The following PCDH15 variants were observed in gnomAD, a reference collection of about 807,000 sequenced individuals.
The protein encoded by PCDH15 is protocadherin-15.
PCDH15 carries 129 observed loss-of-function variants against 178.5 expected under a neutral mutation model. The ratio of observed to expected loss-of-function variants is 0.72; its 90% confidence interval spans 0.63 to 0.84. The LOEUF (loss-of-function observed/expected upper bound fraction) is 0.84. PCDH15 is among the 40% of genes least tolerant of loss of function. The pLI is 0.00. For synonymous variants in PCDH15, 800 were observed against 732.0 expected (o/e 1.09, Z -1.50); for missense variants, 2,230 against 2,099.9 (o/e 1.06, Z -1.21).
intron 2 of PCDH15, among the ~76,000 whole-genome samples, chr10:55,464,642 ATATATATATATATG>A (rs59841153): frequency 0.67 from 95,198 of 142,764 alleles, 31,490 homozygotes; most frequent in East Asian, 0.88. Context: ...ATATATATAT[ATATATATATATATG>A]TGTGTGTGTG....
At chr10:54,174,702 CTT>C (rs1169302544) in intron 13 of PCDH15, among the ~76,000 whole-genome samples, 2,161 of 83,768 alleles carry the variant, frequency 0.026, 5 homozygotes, top group Middle Eastern at 0.048. Flanking sequence ...TTTTTCTTTT[CTT>C]TTTTTTTTTT....
At chr10:54,922,057 G>A (rs140946947) in intron 2 of PCDH15, among the ~76,000 whole-genome samples, 7 of 152,256 alleles carry the variant, frequency 4.6e-5, no homozygotes, top group East Asian at 3.9e-4. Context: ...AGCAGGCTCC[G>A]CCTCCAACAC....
chr10:54,733,881 C>T (rs1421690938), intron 1 of PCDH15, among the ~76,000 whole-genome samples: 1 of 150,982 alleles, frequency 6.6e-6, no homozygotes, highest in African/African-American at 2.4e-5. Context: ...AAAATTAGAC[C>T]TCCAAACGTA....
rs5785023 is a variant in PCDH15, at chr10:53,866,870, GAA to G, written c.3502-15_3502-14del. The stretch of plus-strand genomic sequence containing the variant: ...CTTTATCAGTAGCCTAGACGGAGGG[GAA>G]AAAAAAAGAGATTATAATTAAGCAG... On this transcript the variant is annotated splice_polypyrimidine_tract_variant and intron_variant, in intron 26 of 37. Transcript: ENST00000644397. 4 of 1,481,276 alleles carry G rather than the reference GAA, an allele frequency of 2.7e-6. No individual in the cohort carries two copies. The highest frequency in any genetic ancestry group is 1.9e-6 in the Non-Finnish European group (2 of 1,073,146). 91.8% of individuals were successfully genotyped at this position (1,481,276 alleles called of 1,614,324 possible). A position where few individuals can be genotyped will look rare whatever the true frequency, so the allele number is the denominator to read the frequency against.
intron 2 of PCDH15, among the ~76,000 whole-genome samples, chr10:54,550,488 C>CTGTGTCTG (rs147362519): frequency 2.0e-5 from 3 of 150,746 alleles, no homozygotes; most frequent in Non-Finnish European, 4.4e-5. Context: ...GTGTATGTGT[C>CTGTGTCTG]TGTGTGTGTG....
intron 2 of PCDH15, among the ~76,000 whole-genome samples, chr10:55,395,806 T>C (rs1333892004): frequency 2.6e-5 from 4 of 152,038 alleles, no homozygotes; most frequent in Admixed American, 6.6e-5. Flanking sequence ...TTTATTTACA[T>C]GTATAAACAA....
intron 2 of PCDH15, among the ~76,000 whole-genome samples, chr10:55,337,486 T>G (rs534662524): frequency 1.7e-4 from 26 of 152,218 alleles, no homozygotes; most frequent in Admixed American, 1.3e-3. Context: ...TTTATAATTG[T>G]AATGTGGGAA....
At chr10:55,618,293 T>A (rs922737536) in intron 2 of PCDH15, among the ~76,000 whole-genome samples, 11 of 152,092 alleles carry the variant, frequency 7.2e-5, no homozygotes, top group African/African-American at 2.7e-4. Context: ...TTTTTGATTA[T>A]CCTTTCATAG....
intron 8 of PCDH15, among the ~76,000 whole-genome samples, chr10:54,255,593 C>G (rs1384517554): frequency 1.3e-5 from 2 of 152,030 alleles, no homozygotes; most frequent in Admixed American, 6.6e-5. Context: ...TCCACAGACC[C>G]AAAAGTTAAC....
At position 54,421,908 on chromosome 10, in the gene PCDH15, T is replaced by TACAC. The variant is rs1303305100; in HGVS notation, c.158-42970_158-42967dup. Reference sequence around the variant, plus strand: ...TACACACACACACTATATATATATATACACTATATATATATATACACTATA... The same window carrying TACAC: ...TACACACACACACTATATATATATATACACACACTATATATATATATACACTATA... On this transcript the variant is annotated intron_variant, in intron 3 of 37. Transcript: ENST00000644397. 2.1e-4 allele frequency among the ~76,000 whole-genome samples: 19 copies of TACAC among 91,428 alleles called. 1 individual carries two copies. The highest frequency in any genetic ancestry group is 3.0e-4 in the Non-Finnish European group (15 of 49,762). The allele number at this position is 91,428 out of a possible 152,430, so 60.0% of individuals were successfully genotyped here.
Position 54,079,321 on chromosome 10 carries a change from G to A in PCDH15, c.2091+10C>T. 6.2e-7 allele frequency: 1 copy of A among 1,612,564 alleles called. No homozygotes were observed. The highest frequency in any genetic ancestry group is 8.5e-7 in the Non-Finnish European group (1 of 1,178,584). ...TATTTTTAAAACCCCTTCACAGGGA[G>A]CATACTCACCCCATCTGGCCTGCCA... is the stretch of plus-strand genomic sequence containing the variant. On this transcript the variant is annotated intron_variant, in intron 17 of 37. Coordinates refer to ENST00000644397, the MANE Select transcript of PCDH15 (RefSeq NM_001384140.1).
intron 2 of PCDH15, among the ~76,000 whole-genome samples, chr10:54,937,977 T>A (rs1670825): frequency 0.13 from 20,349 of 152,016 alleles, 1,553 homozygotes; most frequent in East Asian, 0.23. Context: ...ATTCTCTTAG[T>A]TTTCCATTGT....
chr10:53,912,017 C>T (rs1462317290), intron 25 of PCDH15, among the ~76,000 whole-genome samples: 11 of 152,178 alleles, frequency 7.2e-5, no homozygotes, highest in Non-Finnish European at 1.3e-4. Flanking sequence ...AGACCAATAT[C>T]CCTGATGAAC....
intron 18 of PCDH15, among the ~76,000 whole-genome samples, chr10:54,047,474 T>A (rs968476205): frequency 2.0e-5 from 3 of 151,896 alleles, no homozygotes; most frequent in African/African-American, 7.3e-5. Context: ...TATCATGTAA[T>A]GCTGATATCT....
chr10:55,127,996 C>T (rs1837945601), intron 2 of PCDH15, among the ~76,000 whole-genome samples: 1 of 152,014 alleles, frequency 6.6e-6, no homozygotes, highest in Non-Finnish European at 1.5e-5. Flanking sequence ...AAGTCTCTTT[C>T]TCCTCAGACT....
intron 37 of PCDH15, chr10:53,808,788 T>C (rs1443450086): frequency 1.9e-6 from 3 of 1,612,206 alleles, no homozygotes; most frequent in Admixed American, 1.7e-5. Flanking sequence ...GATAGCCCCA[T>C]GGACCTCCAG....
chr10:55,172,534 G>C lies in PCDH15; in HGVS notation c.-155-5883C>G, dbSNP rs566700618. ...AATGAATGGCCACTTCAGAGCATTT[G>C]GATATTATAAATCATTATAACACCA... On this transcript the variant is annotated intron_variant, in intron 1 of 5. Coordinates refer to the PCDH15 transcript ENST00000458638. Among the ~76,000 whole-genome samples the C allele has an allele frequency of 4.7e-4, 72 of 151,900 alleles. No homozygotes were observed. The South Asian group carries it at 0.015, about 31-fold the overall frequency.
chr10:54,212,820 G>A (rs1187110846), intron 10 of PCDH15, among the ~76,000 whole-genome samples: 1 of 152,088 alleles, frequency 6.6e-6, no homozygotes, highest in Non-Finnish European at 1.5e-5. Context: ...AGTGAAAAGA[G>A]CATGGCTTTA....
Position 54,023,070 on chromosome 10 carries a change from T to C in PCDH15, c.2348A>G (p.Asp783Gly), listed in dbSNP as rs765443935. 4.0e-5 allele frequency: 64 copies of C among 1,613,854 alleles called. No homozygotes were observed. The highest frequency in any genetic ancestry group is 5.0e-5 in the Admixed American group (3 of 59,962). ...TGCCACAACAACAAGTTCATAGTAG[T>C]CCCTGACTTCTCTGTTAAGCTTCAC... ...TAVKLNREVR[D>G]YYELVVVATD... Residue 783 changes from aspartate (D) to glycine (G), a missense_variant, in exon 19 of 38, where the codon GAC becomes GGC. Physicochemically the swap from Asp to Gly is moderately conservative, Grantham distance 94. Transcript: ENST00000644397.
Sources: allele counts gnomAD v4.1 joint callset (sites outside exome capture counted in the v4.1 genomes callset), GRCh38; gene constraint gnomAD v4.1.1; transcripts MANE v1.5; gene names NCBI Gene and HGNC (gene_info 2026-07-23, HGNC 2026-07-21).